Variants in SLC9A7 observed in about 807,000 individuals in gnomAD.
SLC9A7 encodes the protein solute carrier family 9 member A7.
SLC9A7 carries 19 observed loss-of-function variants against 52.6 expected under a neutral mutation model. That is an observed-to-expected ratio of 0.36 (90% CI 0.25 to 0.53). The LOEUF is 0.53. SLC9A7 is among the 20% of genes least tolerant of loss of function. The pLI is 0.91. For missense variants in SLC9A7, 455 were observed against 597.9 expected, an observed-to-expected ratio of 0.76 and a Z score of 2.49; for synonymous variants, 226 against 252.1, an observed-to-expected ratio of 0.90 and a Z score of 0.98.
At chrX:46,682,089 C>A (rs972795434) in intron 2 of SLC9A7, among the ~76,000 whole-genome samples, 1 of 111,770 alleles carries the variant, frequency 8.9e-6, no homozygotes, top group Non-Finnish European at 1.9e-5. Flanking sequence ...ATCCATTGCA[C>A]AATCAGTGGC....
intron 1 of SLC9A7, among the ~76,000 whole-genome samples, chrX:46,702,446 C>G (rs1484986528): frequency 9.0e-6 from 1 of 111,377 alleles, no homozygotes; most frequent in Non-Finnish European, 1.9e-5. Context: ...CCATCTCCCC[C>G]TCTCATAGTA....
chrX:46,691,095 G>A (rs6609432), intron 1 of SLC9A7, among the ~76,000 whole-genome samples: 1,295 of 111,627 alleles, frequency 0.012, 18 homozygotes, highest in African/African-American at 0.04. Flanking sequence ...TTTAATAAAT[G>A]TTCCTCAATT....
At chrX:46,730,905 C>G (rs191478161) in intron 1 of SLC9A7, among the ~76,000 whole-genome samples, 1 of 105,564 alleles carries the variant, frequency 9.5e-6, no homozygotes, top group African/African-American at 3.4e-5. Context: ...TCTCCCACTT[C>G]GACTCATAAA....
At chrX:46,725,368 G>A (rs1944927044) in intron 1 of SLC9A7, 6 of 1,196,158 alleles carry the variant, frequency 5.0e-6, no homozygotes, top group Admixed American at 4.3e-5. Flanking sequence ...CCATAACTGC[G>A]ACTCAGTGCT....
intron 1 of SLC9A7, among the ~76,000 whole-genome samples, chrX:46,711,712 A>C (rs764026247): frequency 3.6e-5 from 4 of 110,938 alleles, no homozygotes; most frequent in Non-Finnish European, 7.6e-5. Context: ...CCTTCACAGA[A>C]GAGTCAGTGC....
At chrX:46,650,677 C>G (rs1943566007) in intron 10 of SLC9A7, among the ~76,000 whole-genome samples, 1 of 111,345 alleles carries the variant, frequency 9.0e-6, no homozygotes, top group Admixed American at 9.5e-5. Context: ...AATCAGGGAA[C>G]CTCCTGGATT....
At chrX:46,699,502 T>C (rs751745676) in intron 1 of SLC9A7, among the ~76,000 whole-genome samples, 12 of 111,803 alleles carry the variant, frequency 1.1e-4, no homozygotes, top group Non-Finnish European at 1.7e-4. Context: ...TATCCAAGTG[T>C]AGGTTGATTA....
At chrX:46,711,242 T>C (rs1944681676) in intron 1 of SLC9A7, among the ~76,000 whole-genome samples, 1 of 113,013 alleles carries the variant, frequency 8.8e-6, no homozygotes, top group Non-Finnish European at 1.9e-5. Flanking sequence ...CCTCCACATT[T>C]GTTTTAAGGG....
chrX:46,738,095 GAA>G (rs1569525282), intron 1 of SLC9A7, among the ~76,000 whole-genome samples: 10 of 56,706 alleles, frequency 1.8e-4, no homozygotes, highest in African/African-American at 2.2e-4. Flanking sequence ...AAGAAAGAAA[GAA>G]AGAAAGAAAG....
chrX:46,683,186 C>T (rs1300096300), intron 1 of SLC9A7, among the ~76,000 whole-genome samples: 1 of 108,487 alleles, frequency 9.2e-6, no homozygotes, highest in Non-Finnish European at 1.9e-5. Flanking sequence ...GGATGACAAG[C>T]AGCAAAGATT....
chrX:46,657,539 A>C (rs1166935186), intron 7 of SLC9A7, among the ~76,000 whole-genome samples: 3 of 108,271 alleles, frequency 2.8e-5, no homozygotes, highest in East Asian at 2.9e-4. Flanking sequence ...TCTACCAAGC[A>C]AATGGAAAAC....
chrX:46,646,342 G>T (rs1943492026), intron 11 of SLC9A7, among the ~76,000 whole-genome samples: 1 of 111,887 alleles, frequency 8.9e-6, no homozygotes, highest in East Asian at 2.8e-4. Flanking sequence ...TTTTGGATAA[G>T]GGGAGTTTTC....
intron 1 of SLC9A7, among the ~76,000 whole-genome samples, chrX:46,709,914 G>A (rs927709774): frequency 8.0e-5 from 9 of 112,172 alleles, no homozygotes; most frequent in South Asian, 3.7e-4. Context: ...TATTACATAC[G>A]CTGATTTTAA....
chrX:46,657,231 A>G, intron 7 of SLC9A7, among the ~76,000 whole-genome samples: 1 of 111,458 alleles, frequency 9.0e-6, no homozygotes, highest in Middle Eastern at 4.6e-3. Flanking sequence ...AACACTAAAC[A>G]TAGAAAGGAA....
intron 1 of SLC9A7, among the ~76,000 whole-genome samples, chrX:46,683,976 A>G (rs1944252761): frequency 8.9e-6 from 1 of 112,167 alleles, no homozygotes; most frequent in African/African-American, 3.2e-5. Context: ...CAAATAAAAT[A>G]TAAAATCTAG....
At chrX:46,745,533 A>G (rs745759556) in intron 1 of SLC9A7, among the ~76,000 whole-genome samples, 99 of 112,101 alleles carry the variant, frequency 8.8e-4, no homozygotes, top group Non-Finnish European at 1.6e-3. Flanking sequence ...GAAAACTTTA[A>G]ATCAGCTGTC....
At position 46,653,703 on chromosome X, in the gene SLC9A7, A is replaced by G; in HGVS notation, c.1053T>C (p.Phe351=). The change falls in exon 8 of 17, where the codon TTT becomes TTC. Residue 351 remains phenylalanine, a synonymous_variant. Coordinates refer to ENST00000616978, the MANE Select transcript of SLC9A7 (RefSeq NM_001257291.2). The part of the protein sequence containing the change: ...TGVVTALVTK[F]TKLHCFPLLE... ...GCAGGGGGAAGCAGTGCAGTTTGGT[A>G]AACTTAGTCACGTTGGCATTCTGTC... 8.3e-7 allele frequency: 1 copy of G among 1,207,252 alleles called. No individual in the cohort carries two copies. The highest frequency in any genetic ancestry group is 1.1e-6 in the Non-Finnish European group (1 of 891,791).
intron 1 of SLC9A7, among the ~76,000 whole-genome samples, chrX:46,687,181 C>A (rs960635246): frequency 1.8e-5 from 2 of 111,827 alleles, no homozygotes; most frequent in African/African-American, 3.3e-5. Context: ...TTCTAGACAG[C>A]CATCCATCAG....
intron 1 of SLC9A7, chrX:46,725,523 A>T: frequency 1.0e-6 from 1 of 959,738 alleles, no homozygotes; most frequent in Non-Finnish European, 1.5e-6. Flanking sequence ...GGTGTCCTTC[A>T]ATGACTGGAT....
Sources: allele counts gnomAD v4.1 joint callset (sites outside exome capture counted in the v4.1 genomes callset), GRCh38; gene constraint gnomAD v4.1.1; transcripts MANE v1.5; gene names NCBI Gene and HGNC (gene_info 2026-07-23, HGNC 2026-07-21).